LMNA: variants seen among roughly 807,000 people sequenced by gnomAD.
The protein encoded by LMNA is lamin.
Under a neutral mutation model 70.4 loss-of-function variants are expected in LMNA, and 20 were observed. That is an observed-to-expected ratio of 0.28 (90% confidence interval 0.20 to 0.41). The LOEUF (loss-of-function observed/expected upper bound fraction) is 0.41. Ranked by LOEUF, LMNA falls within the 10% of genes least tolerant of loss-of-function variation. The pLI is 1.00. For synonymous variants in LMNA, 339 were observed against 372.8 expected (o/e 0.91, Z 1.04); for missense variants, 652 against 917.2 (o/e 0.71, Z 3.73).
At chr1:156,118,235 A>G (rs1413073956) in intron 1 of LMNA, among the ~76,000 whole-genome samples, 1 of 152,166 alleles carries the variant, frequency 6.6e-6, no homozygotes, top group African/African-American at 2.4e-5. Flanking sequence ...TAGTCCACTC[A>G]TCTACCAAAG....
intron 2 of LMNA, 71 bp downstream of exon 2, chr1:156,130,844 C>T (rs1650999584): frequency 1.4e-6 from 2 of 1,456,000 alleles, no homozygotes; most frequent in African/African-American, 1.4e-5. Context: ...TACCTAGGCC[C>T]TCCCCCATGT....
At chr1:156,127,474 A>ACCT (rs1394777849) in intron 1 of LMNA, among the ~76,000 whole-genome samples, 1 of 146,196 alleles carries the variant, frequency 6.8e-6, no homozygotes, top group Non-Finnish European at 1.5e-5. Flanking sequence ...GCTAGTCAAA[A>ACCT]CCTCCACCAG....
Position 156,125,970 on chromosome 1 carries a change from AAAT to A in LMNA, c.357-4636_357-4634del, listed in dbSNP as rs150950685. Among the ~76,000 whole-genome samples, 4,047 of 152,202 alleles carry A rather than the reference AAAT, an allele frequency of 0.027. 171 individuals are homozygous for A. The highest frequency in any genetic ancestry group is 0.093 in the African/African-American group (3,841 of 41,488). ...GGCGACAGAATGAGACTCCACCTCA[AAAT>A]AATAATAATAGTAATAATAATAAAT... On this transcript the variant is annotated intron_variant, in intron 1 of 11. Coordinates refer to ENST00000368300, the MANE Select transcript of LMNA (RefSeq NM_170707.4).
intron 1 of LMNA, chr1:156,126,960 C>T: frequency 6.6e-7 from 1 of 1,517,486 alleles, no homozygotes; most frequent in Non-Finnish European, 8.9e-7. Flanking sequence ...GTATTGTGTG[C>T]CTGAGCATGA....
chr1:156,127,831 C>A lies in LMNA; in HGVS notation c.357-2786C>A, dbSNP rs73004999. Among the ~76,000 whole-genome samples, 539 of 152,110 alleles carry A rather than the reference C, an allele frequency of 3.5e-3. 5 individuals carry two copies. Among genetic ancestry groups the A allele is most frequent in the African/African-American group, 0.013 (524 of 41,486 alleles). On this transcript the variant is annotated intron_variant, in intron 1 of 11. Transcript: ENST00000368300. ...CCTCCCAAGTTGCTGGGACTATGGA[C>A]GTGCACCACCTTGCCCGACTAATTT...
chr1:156,114,815 C>T lies in LMNA; in HGVS notation c.-104C>T. The T allele has an allele frequency of 1.3e-6, 1 of 792,426 alleles. No homozygotes were observed. The highest frequency in any genetic ancestry group is 1.9e-6 in the Non-Finnish European group (1 of 520,460). The allele number at this position is 792,426 out of a possible 1,614,324, so 49.1% of individuals were successfully genotyped here. A position where few individuals can be genotyped will look rare whatever the true frequency, so the allele number is the denominator to read the frequency against. ...CTGCCAGGAGCAAGCCGAGAGCCAG[C>T]CGGCCGGCGCACTCCGACTCCGAGC... On this transcript the variant is annotated 5_prime_UTR_variant, in exon 1 of 12. Coordinates refer to ENST00000368300, the MANE Select transcript of LMNA (RefSeq NM_170707.4).
intron 3 of LMNA, among the ~76,000 whole-genome samples, chr1:156,092,398 G>A (rs1164504783): frequency 2.0e-5 from 3 of 151,852 alleles, no homozygotes; most frequent in Admixed American, 6.6e-5. Context: ...TTACAAAAAG[G>A]CTGGGCACAG....
At chr1:156,113,566 G>A (rs1649620602), upstream of LMNA, among the ~76,000 whole-genome samples, 1 of 152,154 alleles carries the variant, frequency 6.6e-6, no homozygotes, top group South Asian at 2.1e-4. Context: ...GATGAGTATG[G>A]TGCTGGCCTT....
At position 156,136,500 on chromosome 1, in the gene LMNA, G is replaced by A; in HGVS notation, c.1380+64G>A. ...TCAGGGAGAGAGTGGCAAGACAGAA[G>A]GATGGCATGTGGAGAGAGGAACATC... On this transcript the variant is annotated intron_variant, in intron 7 of 11. Coordinates refer to ENST00000368300, the MANE Select transcript of LMNA (RefSeq NM_170707.4). This position sits in a 1 kb window ranked among gnomAD's most constrained non-coding sequence, Gnocchi z 6.1. 6.8e-7 allele frequency: 1 copy of A among 1,466,254 alleles called. No homozygotes were observed. The highest frequency in any genetic ancestry group is 9.3e-7 in the Non-Finnish European group (1 of 1,077,940). 90.8% of individuals were successfully genotyped at this position (1,466,254 alleles called of 1,614,324 possible).
At chr1:156,104,230 G>A (rs1011070140) in intron 3 of LMNA, among the ~76,000 whole-genome samples, 2 of 152,224 alleles carry the variant, frequency 1.3e-5, no homozygotes, top group African/African-American at 2.4e-5. Context: ...CTCCCAGCTC[G>A]GGTGGGGAGC....
chr1:156,087,432 A>C (rs1160072492), intron 2 of LMNA, among the ~76,000 whole-genome samples: 1 of 151,946 alleles, frequency 6.6e-6, no homozygotes, highest in East Asian at 1.9e-4. Context: ...TAGTAGAGAC[A>C]GGGTTTCATC....
rs1000233283 is a variant in LMNA, at chr1:156,115,889, G to A, written c.356+615G>A. Among the ~76,000 whole-genome samples the A allele has an allele frequency of 6.6e-6, 1 of 152,210 alleles. No individual in the cohort carries two copies. The highest frequency in any genetic ancestry group is 1.5e-5 in the Non-Finnish European group (1 of 68,046). On this transcript the variant is annotated intron_variant, in intron 1 of 11. Coordinates refer to ENST00000368300, the MANE Select transcript of LMNA (RefSeq NM_170707.4). The surrounding 1 kb of genome is among the most constrained non-coding windows in gnomAD (Gnocchi z 5.8). ...CATGACCTTGTCCTGGGTTCTAAGG[G>A]TTGGGAAGTTCTCCCTCACTCTGCC...
At position 156,135,950 on chromosome 1, in the gene LMNA, G is replaced by A. The variant is rs397517913; in HGVS notation, c.986G>A (p.Arg329His). 40 of 1,613,828 alleles carry A rather than the reference G, an allele frequency of 2.5e-5. No homozygotes were observed. Among genetic ancestry groups the A allele is most frequent in the South Asian group, 4.4e-5 (4 of 91,088 alleles). ...CGAGACCTGGAGGACTCACTGGCCC[G>A]TGAGCGGGACACCAGCCGGCGGCTG... ...KLRDLEDSLA[R>H]ERDTSRRLLA... is the part of the protein sequence containing the mutation. Residue 329 changes from arginine to histidine, a missense_variant, in exon 6 of 12, where the codon CGT becomes CAT. Physicochemically the swap from Arg to His is conservative, Grantham distance 29 (BLOSUM62 0). Around this residue, in one of 4 missense-constraint regions of LMNA, gnomAD observed 38 missense variants for 32.5 expected, o/e 1.17. Coordinates refer to ENST00000368300, the MANE Select transcript of LMNA (RefSeq NM_170707.4). This position sits in a 1 kb window ranked among gnomAD's most constrained non-coding sequence, Gnocchi z 4.8.
At chr1:156,092,715 T>C (rs1361575615) in intron 3 of LMNA, among the ~76,000 whole-genome samples, 1 of 150,142 alleles carries the variant, frequency 6.7e-6, no homozygotes, top group Non-Finnish European at 1.5e-5. Context: ...GAAATGCCCC[T>C]GATAAAAGCA....
Position 156,139,074 on chromosome 1 carries a change from T to C in LMNA, c.1969-6T>C. On this transcript the variant is annotated splice_polypyrimidine_tract_variant and splice_region_variant and intron_variant, in intron 11 of 11. Coordinates refer to ENST00000368300, the MANE Select transcript of LMNA (RefSeq NM_170707.4). ...TCACACCTCTCTCCTCTGTTTTCTC[T>C]CTTAGAGCCCCCAGAACTGCAGCAT... 1 of 1,613,656 alleles carries C rather than the reference T, an allele frequency of 6.2e-7. No individual in the cohort carries two copies. The highest frequency in any genetic ancestry group is 1.1e-5 in the South Asian group (1 of 91,052).
upstream of LMNA, among the ~76,000 whole-genome samples, chr1:156,113,180 TA>T (rs1354939882): frequency 2.0e-5 from 3 of 152,014 alleles, no homozygotes; most frequent in African/African-American, 7.3e-5. Flanking sequence ...GGCAGGTGCC[TA>T]TAATCCCAGC....
intron 3 of LMNA, among the ~76,000 whole-genome samples, chr1:156,095,611 CCT>C (rs1252337460): frequency 6.6e-6 from 1 of 151,984 alleles, no homozygotes; most frequent in Non-Finnish European, 1.5e-5. Context: ...CCCGCCTCGG[CCT>C]CTCAAAGTGC....
At chr1:156,113,813 T>C (rs1649628821), upstream of LMNA, among the ~76,000 whole-genome samples, 1 of 152,064 alleles carries the variant, frequency 6.6e-6, no homozygotes, top group Non-Finnish European at 1.5e-5. Context: ...TCCATTAAAA[T>C]AAGTACAGTT....
At chr1:156,117,820 G>C (rs931264283) in intron 1 of LMNA, among the ~76,000 whole-genome samples, 40 of 152,166 alleles carry the variant, frequency 2.6e-4, no homozygotes, top group African/African-American at 9.2e-4. Flanking sequence ...ATTTTTCAGA[G>C]ACAGGGCCTT....
Sources: allele counts gnomAD v4.1 joint callset (sites outside exome capture counted in the v4.1 genomes callset), GRCh38; gene constraint gnomAD v4.1.1; regional missense constraint gnomAD v4.1.1; non-coding constraint Gnocchi (gnomAD v3.1); transcripts MANE v1.5; gene names NCBI Gene and HGNC (gene_info 2026-07-23, HGNC 2026-07-21).